Variants in OSTN observed in about 807,000 individuals in gnomAD.
OSTN encodes osteocrin.
OSTN carries 9 observed loss-of-function variants against 12.0 expected under a neutral mutation model. The observed-to-expected ratio is 0.75, with a 90% confidence interval of 0.45 to 1.30. The LOEUF (loss-of-function observed/expected upper bound fraction) is 1.30, where lower values mean the gene tolerates loss of function less well. Among genes scored for constraint, OSTN ranks in the 50% most tolerant of loss-of-function variants. OSTN has a pLI of 0.00. For missense variants in OSTN, 148 were observed against 152.3 expected, an observed-to-expected ratio of 0.97 and a Z score of 0.15; for synonymous variants, 59 against 56.9, an observed-to-expected ratio of 1.04 and a Z score of -0.16.
intron 2 of OSTN, chr3:191,213,205 T>C (rs1714511981): frequency 1.3e-5 from 2 of 152,114 alleles, no homozygotes; most frequent in African/African-American, 4.8e-5. Context: ...TCATTTCTAC[T>C]AGAGTAAGAA....
In OSTN at chr3:191,206,958, G is replaced by A. The variant is rs148132344; in HGVS notation, c.1-5575G>A. On this transcript the variant is annotated intron_variant, in intron 1 of 4. Coordinates refer to ENST00000682035, the MANE Select transcript of OSTN (RefSeq NM_198184.2). ...TTACTTATGAGCCAAGCTGACTCACGACTTGCCTGGAAGAACACCATTATT... is the reference window on the plus strand; with the variant it reads ...TTACTTATGAGCCAAGCTGACTCACAACTTGCCTGGAAGAACACCATTATT... Among the ~76,000 whole-genome samples the A allele has an allele frequency of 2.3e-4, 35 of 152,222 alleles. No homozygotes were observed. In the East Asian group the frequency reaches 6.2e-3, roughly 27 times the overall value.
At chr3:191,230,579 A>AG (rs1386847150) in intron 3 of OSTN, among the ~76,000 whole-genome samples, 1 of 151,286 alleles carries the variant, frequency 6.6e-6, no homozygotes, top group African/African-American at 2.4e-5. Context: ...AAAAAAAAAA[A>AG]AAAAAAAAGA....
intron 3 of OSTN, among the ~76,000 whole-genome samples, chr3:191,233,861 C>T (rs1307080635): frequency 3.9e-5 from 6 of 151,996 alleles, no homozygotes; most frequent in Admixed American, 2.0e-4. Flanking sequence ...GGTGTGGCGG[C>T]GCATGCCTGT....
intron 1 of OSTN, among the ~76,000 whole-genome samples, chr3:191,207,763 T>C (rs893705643): frequency 1.8e-4 from 27 of 152,308 alleles, no homozygotes; most frequent in African/African-American, 6.0e-4. Context: ...ATTGGAACTC[T>C]AACACCTCTT....
intron 1 of OSTN, among the ~76,000 whole-genome samples, chr3:191,202,099 A>C (rs1267935739): frequency 6.6e-6 from 1 of 152,226 alleles, no homozygotes; most frequent in Admixed American, 6.5e-5. Context: ...CAAAGTATAC[A>C]TACAATACTA....
At chr3:191,260,519 G>GT (rs1377902167) in intron 4 of OSTN, among the ~76,000 whole-genome samples, 2 of 152,138 alleles carry the variant, frequency 1.3e-5, no homozygotes, top group East Asian at 3.9e-4. Flanking sequence ...GTGACACCAG[G>GT]TGTCCCCTCC....
intron 3 of OSTN, among the ~76,000 whole-genome samples, chr3:191,222,843 G>C (rs1205913707): frequency 6.6e-6 from 1 of 151,956 alleles, no homozygotes; most frequent in Non-Finnish European, 1.5e-5. Context: ...TCTCATGAGA[G>C]TGAGTGAGTT....
At chr3:191,215,132 G>A (rs1238838463) in intron 2 of OSTN, among the ~76,000 whole-genome samples, 2 of 152,236 alleles carry the variant, frequency 1.3e-5, no homozygotes, top group Non-Finnish European at 2.9e-5. Flanking sequence ...GGCAGAAGGT[G>A]AAGGTGAAGA....
intron 1 of OSTN, among the ~76,000 whole-genome samples, chr3:191,207,732 A>C (rs1486086053): frequency 2.6e-5 from 4 of 152,274 alleles, no homozygotes; most frequent in South Asian, 4.1e-4. Context: ...TATTGCTGGA[A>C]TTTCAGAGCC....
Position 191,264,843 on chromosome 3 carries a change from T to C in OSTN, c.*1990T>C, listed in dbSNP as rs960695267. 2 of 152,208 alleles carry C rather than the reference T, an allele frequency of 1.3e-5. No individual in the cohort carries two copies. 9.4% of individuals were successfully genotyped at this position (152,208 alleles called of 1,614,324 possible). ...ATGGTAAATATTGGAAGTTGGATTA[T>C]GCAAATTGATTTCCTCCATTCTTTA... On this transcript the variant is annotated 3_prime_UTR_variant, in exon 5 of 5. Coordinates refer to ENST00000682035, the MANE Select transcript of OSTN (RefSeq NM_198184.2).
chr3:191,249,986 G>C, intron 3 of OSTN, 51 bp from the exon 4 acceptor site: 3 of 1,348,444 alleles, frequency 2.2e-6, no homozygotes, highest in Non-Finnish European at 3.2e-6. Context: ...CAAAAATAAT[G>C]ATCAATAACT....
chr3:191,222,546 G>C (rs1471686049), intron 3 of OSTN, among the ~76,000 whole-genome samples: 1 of 152,166 alleles, frequency 6.6e-6, no homozygotes, highest in African/African-American at 2.4e-5. Context: ...TGATTTTCAG[G>C]CTCATAGGCA....
At chr3:191,229,346 T>A (rs116420040) in intron 3 of OSTN, among the ~76,000 whole-genome samples, 3,627 of 152,284 alleles carry the variant, frequency 0.024, 60 homozygotes, top group Non-Finnish European at 0.034. Context: ...TTTGATGATG[T>A]TAAGTAACTA....
rs1390011614 is a variant in OSTN, at chr3:191,263,359, T to C, written c.*506T>C. 6.6e-6 allele frequency: 1 copy of C among 152,468 alleles called. No homozygotes were observed. Among genetic ancestry groups the C allele is most frequent in the Non-Finnish European group, 1.5e-5 (1 of 68,222 alleles). The allele number at this position is 152,468 out of a possible 1,614,324, so 9.4% of individuals were successfully genotyped here. ...ATCGGTAATAATTATGAAATTAGGC[T>C]TCTCTTTTCATATTCAAGTTTCAGT... On this transcript the variant is annotated 3_prime_UTR_variant, in exon 5 of 5. Transcript: ENST00000682035.
At chr3:191,219,005 T>C in intron 3 of OSTN, 44 bp downstream of exon 3, 1 of 1,495,230 alleles carries the variant, frequency 6.7e-7, no homozygotes, top group South Asian at 1.2e-5. Flanking sequence ...TCTAATTATT[T>C]CCTTCTGGAT....
At chr3:191,250,348 T>G (rs1267220366) in intron 4 of OSTN, among the ~76,000 whole-genome samples, 1 of 152,180 alleles carries the variant, frequency 6.6e-6, no homozygotes, top group Non-Finnish European at 1.5e-5. Context: ...TAGTTCTGCT[T>G]CACTCTCCAA....
chr3:191,221,419 T>C (rs1413138617), intron 3 of OSTN, among the ~76,000 whole-genome samples: 1 of 152,086 alleles, frequency 6.6e-6, no homozygotes, highest in African/African-American at 2.4e-5. Context: ...GTTTGGAACT[T>C]CCTAGAGACT....
intron 2 of OSTN, among the ~76,000 whole-genome samples, chr3:191,214,436 CAAAAAAAAAAAAAAA>C (rs71298518): frequency 5.2e-5 from 1 of 19,346 alleles, no homozygotes; most frequent in African/African-American, 1.2e-4. Context: ...GACTCCATCT[CAAAAAAAAAAAAAAA>C]AAAAAAAAAA....
Position 191,263,493 on chromosome 3 carries a change from A to ACT in OSTN, c.*641_*642dup, listed in dbSNP as rs1715854600. On this transcript the variant is annotated 3_prime_UTR_variant, in exon 5 of 5. Transcript: ENST00000682035. Reference sequence around the variant, plus strand: ...CTTAGATATCACTTGTCCCCTAAAAACTTTCCATTTTTCTAAATTCTGACA... The same window carrying ACT: ...CTTAGATATCACTTGTCCCCTAAAAACTCTTTCCATTTTTCTAAATTCTGACA... 6.6e-6 allele frequency: 1 copy of ACT among 152,146 alleles called. No homozygotes were observed. The highest frequency in any genetic ancestry group is 2.4e-5 in the African/African-American group (1 of 41,444). 9.4% of individuals were successfully genotyped at this position (152,146 alleles called of 1,614,324 possible).
Sources: gnomAD v4.1 joint callset for allele counts (sites outside exome capture counted in the v4.1 genomes callset) on GRCh38, gnomAD v4.1.1 for gene constraint, MANE v1.5 for transcripts, NCBI Gene and HGNC (gene_info 2026-07-23, HGNC 2026-07-21) for gene names.